FAT3: variants seen among roughly 807,000 people sequenced by gnomAD.
FAT3 encodes FAT atypical cadherin 3, also known as protocadherin Fat 3.
Under a neutral mutation model 310.2 loss-of-function variants are expected in FAT3, and 95 were observed. That is an observed-to-expected ratio of 0.31 (90% CI 0.26 to 0.36). The LOEUF is 0.36. Among genes scored for constraint, FAT3 ranks in the 10% least tolerant of loss-of-function variants. The pLI is 1.00. For missense variants in FAT3, 5,408 were observed against 5,715.6 expected (o/e 0.95, Z 1.74); for synonymous variants, 2,314 against 2,192.9 (o/e 1.06, Z -1.54).
chr11:92,229,135 G>C (rs1864040852), intron 1 of FAT3, among the ~76,000 whole-genome samples: 1 of 152,164 alleles, frequency 6.6e-6, no homozygotes, highest in Admixed American at 6.5e-5. Flanking sequence ...CTACAGATAT[G>C]CATGGTCTTA....
At chr11:92,554,540 A>G (rs1954948412) in intron 3 of FAT3, among the ~76,000 whole-genome samples, 1 of 150,826 alleles carries the variant, frequency 6.6e-6, no homozygotes, top group Admixed American at 6.6e-5. Flanking sequence ...TTTCAAAGCC[A>G]TTACTAGAGG....
At chr11:92,861,201 T>G (rs1949112548) in intron 21 of FAT3, among the ~76,000 whole-genome samples, 1 of 152,234 alleles carries the variant, frequency 6.6e-6, no homozygotes, top group Non-Finnish European at 1.5e-5. Flanking sequence ...TACCAGCTCT[T>G]AGGGCTCTAC....
chr11:92,702,025 G>A (rs148232057), intron 4 of FAT3, among the ~76,000 whole-genome samples: 1 of 152,292 alleles, frequency 6.6e-6, no homozygotes, highest in African/African-American at 2.4e-5. Flanking sequence ...GCCTGTGATT[G>A]TATTTTGGTA....
intron 1 of FAT3, among the ~76,000 whole-genome samples, chr11:92,302,063 A>C (rs905737694): frequency 6.6e-6 from 1 of 152,130 alleles, no homozygotes; most frequent in Non-Finnish European, 1.5e-5. Flanking sequence ...ACACTCACAC[A>C]CACATATACA....
chr11:92,730,583 C>T (rs994535276), intron 4 of FAT3, among the ~76,000 whole-genome samples: 1 of 152,106 alleles, frequency 6.6e-6, no homozygotes, highest in African/African-American at 2.4e-5. Context: ...ATTTAAGTTA[C>T]TGTGAAGTTA....
intron 3 of FAT3, among the ~76,000 whole-genome samples, chr11:92,572,499 T>G (rs1938229337): frequency 6.6e-6 from 1 of 152,210 alleles, no homozygotes; most frequent in Non-Finnish European, 1.5e-5. Context: ...AGTAGGTTTT[T>G]AATATCTGCC....
intron 2 of FAT3, among the ~76,000 whole-genome samples, chr11:92,438,853 T>C (rs1487631134): frequency 1.3e-5 from 2 of 152,162 alleles, no homozygotes; most frequent in African/African-American, 4.8e-5. Flanking sequence ...GTAACTGGAT[T>C]TAAAAGTTAT....
rs925693894 is a variant in FAT3 at position 92,353,982 on chromosome 11, T to C, written c.1870T>C (p.Phe624Leu). 5 of 1,612,774 alleles carry C rather than the reference T, an allele frequency of 3.1e-6. No individual in the cohort carries two copies. In the African/African-American group the frequency reaches 6.7e-5, roughly 22 times the overall value. ...KIISGNELGF[F>L]YLNPDSGVLQ... ...CATTTCTGGAAATGAACTTGGCTTC[T>C]TTTATTTAAACCCAGATTCTGGTGT... is the stretch of plus-strand genomic sequence containing the variant. Residue 624 changes from phenylalanine (F) to leucine (L), a missense_variant, in exon 2 of 28, where the codon TTT (phenylalanine) becomes CTT (leucine). Around this residue, in one of 5 missense-constraint regions of FAT3, gnomAD observed 4,588 missense variants for 4,809.8 expected, o/e 0.95. Coordinates refer to ENST00000525166, the MANE Select transcript of FAT3 (RefSeq NM_001367949.2).
At chr11:92,452,466 T>C (rs984787596) in intron 2 of FAT3, among the ~76,000 whole-genome samples, 3 of 152,152 alleles carry the variant, frequency 2.0e-5, no homozygotes, top group Non-Finnish European at 2.9e-5. Flanking sequence ...ATGAAGGACA[T>C]CATAATGTCT....
At chr11:92,385,334 C>T (rs1949592255) in intron 2 of FAT3, among the ~76,000 whole-genome samples, 2 of 152,006 alleles carry the variant, frequency 1.3e-5, no homozygotes, top group African/African-American at 4.8e-5. Flanking sequence ...TGGACTCATG[C>T]TGATTTTATT....
chr11:92,782,833 T>G lies in FAT3; in HGVS notation c.4336-7110T>G, dbSNP rs142533175. ...CCTCTCTCATCTCTAACTGCTGTGTTTGGAGTTTCTAATTGGCCTGCTTCC... is the reference window on the plus strand; with the variant it reads ...CCTCTCTCATCTCTAACTGCTGTGTGTGGAGTTTCTAATTGGCCTGCTTCC... On this transcript the variant is annotated intron_variant, in intron 7 of 27. Transcript: ENST00000525166. Among the ~76,000 whole-genome samples, 1,415 of 152,318 alleles carry G rather than the reference T, an allele frequency of 9.3e-3. 22 individuals carry two copies. Among genetic ancestry groups the G allele is most frequent in the African/African-American group, 0.031 (1,304 of 41,572 alleles).
At position 92,649,874 on chromosome 11, in the gene FAT3, CATATATAT is replaced by C. The variant is rs10528724; in HGVS notation, c.3608-47475_3608-47468del. Among the ~76,000 whole-genome samples, 328 of 49,630 alleles carry C rather than the reference CATATATAT, an allele frequency of 6.6e-3. 3 individuals carry two copies. The highest frequency in any genetic ancestry group is 0.021 in the Admixed American group (97 of 4,532). 32.6% of individuals were successfully genotyped at this position (49,630 alleles called of 152,430 possible). Reference sequence around the variant, plus strand: ...TTGTTAAACACCCACTTTGTATGTTCATATATATATATATATATATATATATATATATA... The same window carrying C: ...TTGTTAAACACCCACTTTGTATGTTCATATATATATATATATATATATATA... On this transcript the variant is annotated intron_variant, in intron 3 of 27. Coordinates refer to ENST00000525166, the MANE Select transcript of FAT3 (RefSeq NM_001367949.2).
At chr11:92,350,324 A>G (rs897566258) in intron 1 of FAT3, among the ~76,000 whole-genome samples, 2 of 151,344 alleles carry the variant, frequency 1.3e-5, no homozygotes, top group Non-Finnish European at 2.9e-5. Context: ...TACAATTTGT[A>G]ATATTTTAAT....
chr11:92,846,387 TG>T (rs1948685578), intron 19 of FAT3, among the ~76,000 whole-genome samples: 2 of 152,174 alleles, frequency 1.3e-5, no homozygotes, highest in South Asian at 4.1e-4. Context: ...AGCACCTACT[TG>T]CTGTAACAGT....
At chr11:92,643,598 A>G (rs1037939622) in intron 3 of FAT3, among the ~76,000 whole-genome samples, 3 of 152,250 alleles carry the variant, frequency 2.0e-5, no homozygotes, top group Non-Finnish European at 4.4e-5. Context: ...ACTGTAAACT[A>G]TAAAAATGAC....
chr11:92,426,177 G>A (rs111227983), intron 2 of FAT3, among the ~76,000 whole-genome samples: 1 of 152,278 alleles, frequency 6.6e-6, no homozygotes, highest in African/African-American at 2.4e-5. Flanking sequence ...CTGCATAAAT[G>A]TTGTCTTTTG....
chr11:92,550,445 G>A (rs1954771024), intron 3 of FAT3, among the ~76,000 whole-genome samples: 1 of 152,166 alleles, frequency 6.6e-6, no homozygotes, highest in Non-Finnish European at 1.5e-5. Flanking sequence ...GGCTCAAGAT[G>A]CAGAATCTTT....
intron 7 of FAT3, 21 bp downstream of exon 7, chr11:92,774,201 A>C (rs530047026): frequency 6.3e-7 from 1 of 1,591,714 alleles, no homozygotes; most frequent in African/African-American, 1.3e-5. Flanking sequence ...AAATTACTGA[A>C]TAGCAGGAAT....
chr11:92,774,726 G>A (rs1421225503), intron 7 of FAT3, among the ~76,000 whole-genome samples: 1 of 152,128 alleles, frequency 6.6e-6, no homozygotes, highest in Non-Finnish European at 1.5e-5. Context: ...CTGTATAGTA[G>A]AACCCCCTGG....
Sources: gnomAD v4.1 joint callset for allele counts (sites outside exome capture counted in the v4.1 genomes callset) on GRCh38, gnomAD v4.1.1 for gene constraint, gnomAD v4.1.1 regional missense constraint, MANE v1.5 for transcripts, NCBI Gene and HGNC (gene_info 2026-07-23, HGNC 2026-07-21) for gene names.